Variants in CAMKMT observed in about 807,000 individuals in gnomAD.
The protein encoded by CAMKMT is calmodulin-lysine N-methyltransferase.
A neutral mutation model predicts 48.0 loss-of-function variants in CAMKMT; 53 were observed. That is an observed-to-expected ratio of 1.10 (90% CI 0.89 to 1.39). The LOEUF is 1.39. Ranked by LOEUF, CAMKMT falls within the 40% of genes most tolerant of loss-of-function variation. The probability of loss-of-function intolerance (pLI) is 0.00; values close to 1 mark genes in which losing one functional copy is unlikely to be tolerated. For synonymous variants in CAMKMT, 165 were observed against 152.3 expected (o/e 1.08, Z -0.61); for missense variants, 428 against 402.7 (o/e 1.06, Z -0.54).
rs145209368 is a variant in CAMKMT at position 44,715,234 on chromosome 2, T to C, written c.557-53T>C. 1.3e-3 allele frequency: 1,581 copies of C among 1,254,438 alleles called. 23 individuals carry two copies. In the African/African-American group the frequency reaches 0.022, roughly 17 times the overall value. 77.7% of individuals were successfully genotyped at this position (1,254,438 alleles called of 1,614,324 possible). A position where few individuals can be genotyped will look rare whatever the true frequency, so the allele number is the denominator to read the frequency against. Reference sequence around the variant, plus strand: ...AAAAGATAACTGTTTCTGGACCTTTTTTTTTGGTCACTTCACAATCAGTGC... The same window carrying C: ...AAAAGATAACTGTTTCTGGACCTTTCTTTTTGGTCACTTCACAATCAGTGC... On this transcript the variant is annotated intron_variant, in intron 6 of 10. Coordinates refer to ENST00000378494, the MANE Select transcript of CAMKMT (RefSeq NM_024766.5).
intron 3 of CAMKMT, among the ~76,000 whole-genome samples, chr2:44,632,463 CATAG>C (rs1672889980): frequency 6.6e-6 from 1 of 152,134 alleles, no homozygotes; most frequent in Non-Finnish European, 1.5e-5. Flanking sequence ...TATAGATACA[CATAG>C]ATAGTAAAGT....
chr2:44,419,918 T>C (rs1683816229), intron 3 of CAMKMT, among the ~76,000 whole-genome samples: 1 of 152,158 alleles, frequency 6.6e-6, no homozygotes, highest in African/African-American at 2.4e-5. Flanking sequence ...TTTTTTAAAG[T>C]GCAAAGAGTC....
chr2:44,640,112 A>G (rs182898023), intron 3 of CAMKMT, among the ~76,000 whole-genome samples: 1 of 152,318 alleles, frequency 6.6e-6, no homozygotes, highest in African/African-American at 2.4e-5. Context: ...ACATTAAACA[A>G]CAGATAATTT....
At chr2:44,383,517 A>G (rs969905815) in intron 2 of CAMKMT, among the ~76,000 whole-genome samples, 1 of 151,934 alleles carries the variant, frequency 6.6e-6, no homozygotes, top group Non-Finnish European at 1.5e-5. Flanking sequence ...TTATTGGGGT[A>G]TAGGTGGTAT....
intron 3 of CAMKMT, among the ~76,000 whole-genome samples, chr2:44,494,334 G>A (rs1669653730): frequency 6.6e-6 from 1 of 152,130 alleles, no homozygotes; most frequent in South Asian, 2.1e-4. Flanking sequence ...GTCCTCTTGA[G>A]ATTTTGTGAG....
In CAMKMT at chr2:44,724,686, T is replaced by A. The variant is rs192213633; in HGVS notation, c.623+9333T>A. On this transcript the variant is annotated intron_variant, in intron 7 of 10. Transcript: ENST00000378494. ...GAGAGCTTTACTCCCCACATTGGAC[T>A]CTGAATTTCTATGGTATCATCTTAG... is the stretch of plus-strand genomic sequence containing the variant. 5.5e-3 allele frequency among the ~76,000 whole-genome samples: 843 copies of A among 152,350 alleles called. 6 individuals carry two copies. The highest frequency in any genetic ancestry group is 5.7e-3 in the Non-Finnish European group (386 of 68,038).
At chr2:44,714,268 T>C (rs182635052) in intron 6 of CAMKMT, among the ~76,000 whole-genome samples, 1 of 152,274 alleles carries the variant, frequency 6.6e-6, no homozygotes, top group Non-Finnish European at 1.5e-5. Flanking sequence ...TGCCAGGAAG[T>C]GGAAGCAACA....
chr2:44,428,800 C>G (rs1424495803), intron 3 of CAMKMT, among the ~76,000 whole-genome samples: 1 of 152,114 alleles, frequency 6.6e-6, no homozygotes, highest in Non-Finnish European at 1.5e-5. Flanking sequence ...AGATACAACT[C>G]CAAATGCAAG....
At chr2:44,522,375 G>C (rs1181111326) in intron 3 of CAMKMT, among the ~76,000 whole-genome samples, 2 of 151,940 alleles carry the variant, frequency 1.3e-5, no homozygotes, top group Admixed American at 6.6e-5. Context: ...AAATTTTGTA[G>C]GTTTACTGTG....
At chr2:44,594,965 A>G (rs377675487) in intron 3 of CAMKMT, among the ~76,000 whole-genome samples, 3 of 152,234 alleles carry the variant, frequency 2.0e-5, no homozygotes, top group African/African-American at 4.8e-5. Context: ...TTTACAAGAA[A>G]AAAACAACCC....
At chr2:44,504,690 C>T (rs371599154) in intron 3 of CAMKMT, among the ~76,000 whole-genome samples, 16 of 152,114 alleles carry the variant, frequency 1.1e-4, no homozygotes, top group African/African-American at 3.9e-4. Flanking sequence ...CTCATTATGG[C>T]TTTAATTTGC....
intron 3 of CAMKMT, among the ~76,000 whole-genome samples, chr2:44,669,678 C>G (rs1393434382): frequency 6.6e-6 from 1 of 152,014 alleles, no homozygotes; most frequent in Non-Finnish European, 1.5e-5. Context: ...CGCTCTGTCA[C>G]CTAGGCTGGA....
At chr2:44,528,578 G>A (rs1666298320) in intron 3 of CAMKMT, among the ~76,000 whole-genome samples, 1 of 152,206 alleles carries the variant, frequency 6.6e-6, no homozygotes, top group Non-Finnish European at 1.5e-5. Context: ...CACCAGATTG[G>A]TAATCATTAT....
At chr2:44,529,569 TTGGGCTAGGG>T (rs1666356487) in intron 3 of CAMKMT, among the ~76,000 whole-genome samples, 1 of 152,180 alleles carries the variant, frequency 6.6e-6, no homozygotes, top group Non-Finnish European at 1.5e-5. Flanking sequence ...GTCATGTACT[TTGGGCTAGGG>T]TTGCTTCTGA....
chr2:44,432,940 C>G (rs1425786612), intron 3 of CAMKMT, among the ~76,000 whole-genome samples: 1 of 151,966 alleles, frequency 6.6e-6, no homozygotes, highest in Non-Finnish European at 1.5e-5. Flanking sequence ...ATGAAAAGAG[C>G]TTAATAGTTG....
chr2:44,564,473 C>T (rs77795880), intron 3 of CAMKMT, among the ~76,000 whole-genome samples: 8,647 of 152,216 alleles, frequency 0.057, 344 homozygotes, highest in Non-Finnish European at 0.084. Flanking sequence ...CCACACATGG[C>T]CTAGAACTTT....
chr2:44,370,615 C>G (rs959349208), intron 1 of CAMKMT, among the ~76,000 whole-genome samples: 1 of 150,900 alleles, frequency 6.6e-6, no homozygotes, highest in Non-Finnish European at 1.5e-5. Flanking sequence ...ATTATCGATC[C>G]TCTCTCCTGT....
chr2:44,743,614 T>C lies in CAMKMT; in HGVS notation c.624-8T>C, dbSNP rs76890291. 6 of 1,600,682 alleles carry C rather than the reference T, an allele frequency of 3.7e-6. No homozygotes were observed. The highest frequency in any genetic ancestry group is 4.3e-6 in the Non-Finnish European group (5 of 1,174,406). On this transcript the variant is annotated splice_polypyrimidine_tract_variant and splice_region_variant and intron_variant, in intron 7 of 10. Coordinates refer to ENST00000378494, the MANE Select transcript of CAMKMT (RefSeq NM_024766.5). The stretch of plus-strand genomic sequence containing the variant: ...ATGTATAATTTTTAAAATCTTTTTC[T>C]CCTCAAGCGTTTTACGATGGGATAA...
intron 3 of CAMKMT, among the ~76,000 whole-genome samples, chr2:44,627,211 A>C (rs983427908): frequency 6.6e-6 from 1 of 152,156 alleles, no homozygotes; most frequent in Non-Finnish European, 1.5e-5. Flanking sequence ...TAGGGATTAG[A>C]TACTGTTTTA....
Sources: allele counts gnomAD v4.1 joint callset (sites outside exome capture counted in the v4.1 genomes callset), GRCh38; gene constraint gnomAD v4.1.1; transcripts MANE v1.5; gene names NCBI Gene and HGNC (gene_info 2026-07-23, HGNC 2026-07-21).